The following FYTTD1 variants were observed in gnomAD, a reference collection of about 807,000 sequenced individuals.
FYTTD1 encodes UAP56-interacting factor.
FYTTD1 carries 22 observed loss-of-function variants against 40.9 expected under a neutral mutation model. The observed-to-expected ratio is 0.54, with a 90% CI of 0.38 to 0.77. The LOEUF (loss-of-function observed/expected upper bound fraction) is 0.77, where lower values mean the gene tolerates loss of function less well. Ranked by LOEUF, FYTTD1 falls within the 30% of genes least tolerant of loss-of-function variation. The pLI, the probability that FYTTD1 is intolerant of heterozygous loss-of-function variation, is 0.00. For synonymous variants in FYTTD1, 140 were observed against 137.9 expected (o/e 1.01, Z -0.10); for missense variants, 351 against 392.2 (o/e 0.90, Z 0.89).
chr3:197,754,041 A>G (rs575410816), intron 1 of FYTTD1, among the ~76,000 whole-genome samples: 2 of 152,180 alleles, frequency 1.3e-5, no homozygotes, highest in South Asian at 2.1e-4. Context: ...CACCCGGCCT[A>G]TATGCTATAT....
At chr3:197,757,749 T>G (rs1408571040) in intron 2 of FYTTD1, among the ~76,000 whole-genome samples, 1 of 152,204 alleles carries the variant, frequency 6.6e-6, no homozygotes, top group Non-Finnish European at 1.5e-5. Context: ...CACTCCAGCA[T>G]GAGACTCTGT....
chr3:197,764,668 C>T (rs1169986977), intron 2 of FYTTD1, among the ~76,000 whole-genome samples: 2 of 148,246 alleles, frequency 1.3e-5, no homozygotes, highest in Non-Finnish European at 1.5e-5. Flanking sequence ...GAGATCGCGC[C>T]GCTACACTCC....
intron 1 of FYTTD1, chr3:197,750,396 C>T (rs1240448200): frequency 7.5e-6 from 8 of 1,066,806 alleles, no homozygotes; most frequent in East Asian, 1.3e-4. Flanking sequence ...GGCTACGGCT[C>T]GCCGCTCGCC....
intron 7 of FYTTD1, among the ~76,000 whole-genome samples, chr3:197,777,369 G>T (rs947520225): frequency 2.0e-5 from 3 of 152,046 alleles, no homozygotes; most frequent in Non-Finnish European, 1.5e-5. Context: ...CGATCCTCCT[G>T]CCTCAGCCTC....
chr3:197,761,597 A>G (rs1289979435), intron 2 of FYTTD1, among the ~76,000 whole-genome samples: 1 of 152,180 alleles, frequency 6.6e-6, no homozygotes, highest in Non-Finnish European at 1.5e-5. Context: ...ATTGTTCTTC[A>G]GTGTTAGAAT....
chr3:197,771,541 C>A (rs1383135595), intron 4 of FYTTD1, among the ~76,000 whole-genome samples: 1 of 151,986 alleles, frequency 6.6e-6, no homozygotes, highest in East Asian at 1.9e-4. Flanking sequence ...CTTTGGGAGG[C>A]CGAGGCGGGC....
intron 6 of FYTTD1, among the ~76,000 whole-genome samples, chr3:197,774,799 A>G (rs964396238): frequency 7.3e-5 from 11 of 151,382 alleles, no homozygotes; most frequent in Non-Finnish European, 1.6e-4. Context: ...CCTGAGCAGC[A>G]TAGCTCGATC....
intron 1 of FYTTD1, among the ~76,000 whole-genome samples, chr3:197,751,865 A>AATT (rs1729068264): frequency 2.0e-5 from 3 of 151,958 alleles, no homozygotes; most frequent in Non-Finnish European, 2.9e-5. Context: ...GCATTAAATT[A>AATT]AATTAATTAA....
rs780778170 is a variant in FYTTD1, at chr3:197,778,444, A to G, written c.838A>G (p.Ile280Val). Residue 280 changes from isoleucine to valine, a missense_variant, in exon 8 of 9, where the codon ATA becomes GTA. Ile to Val is a conservative substitution (Grantham distance 29, BLOSUM62 3). Coordinates refer to ENST00000241502, the MANE Select transcript of FYTTD1 (RefSeq NM_032288.7). Reference sequence around the variant, plus strand: ...TAAAGGTGTTCCCCTGCAGTTTGACATAAACAGTGTCGGAAAACAGGTAAA... The same window carrying G: ...TAAAGGTGTTCCCCTGCAGTTTGACGTAAACAGTGTCGGAAAACAGGTAAA... Reference protein sequence around the residue: ...VPKGVPLQFDINSVGKQTGMT... With the variant: ...VPKGVPLQFDVNSVGKQTGMT... 2 of 1,607,466 alleles carry G rather than the reference A, an allele frequency of 1.2e-6. No individual in the cohort carries two copies. Among genetic ancestry groups the G allele is most frequent in the Middle Eastern group, 1.6e-4 (1 of 6,072 alleles).
At chr3:197,752,632 T>C (rs1182745386) in intron 1 of FYTTD1, among the ~76,000 whole-genome samples, 1 of 152,150 alleles carries the variant, frequency 6.6e-6, no homozygotes, top group Non-Finnish European at 1.5e-5. Flanking sequence ...GGCTTGGTTA[T>C]TTTTATACAT....
chr3:197,753,745 G>A (rs1055388631), intron 1 of FYTTD1, among the ~76,000 whole-genome samples: 3 of 151,922 alleles, frequency 2.0e-5, no homozygotes, highest in Admixed American at 1.3e-4. Flanking sequence ...TTTATATGCT[G>A]TATTTTATTT....
At chr3:197,772,815 C>A (rs1022359903) in intron 4 of FYTTD1, among the ~76,000 whole-genome samples, 1 of 152,032 alleles carries the variant, frequency 6.6e-6, no homozygotes, top group Non-Finnish European at 1.5e-5. Context: ...TACCATGTTA[C>A]CCAGGCTGGT....
At chr3:197,764,762 ACAG>A (rs1729492646) in intron 2 of FYTTD1, among the ~76,000 whole-genome samples, 1 of 151,468 alleles carries the variant, frequency 6.6e-6, no homozygotes, top group South Asian at 2.1e-4. Context: ...GAAAAAAAAA[ACAG>A]CAGAAAGATT....
rs1353486217 is a variant in FYTTD1 at position 197,787,484 on chromosome 3, G to C, written c.*5575G>C. 1 of 152,226 alleles carries C rather than the reference G, an allele frequency of 6.6e-6. No homozygotes were observed. Among genetic ancestry groups the C allele is most frequent in the Non-Finnish European group, 1.5e-5 (1 of 68,052 alleles). The allele number at this position is 152,226 out of a possible 1,614,324, so 9.4% of individuals were successfully genotyped here. On this transcript the variant is annotated 3_prime_UTR_variant, in exon 9 of 9. Coordinates refer to ENST00000241502, the MANE Select transcript of FYTTD1 (RefSeq NM_032288.7). ...GGAAGGGAGGACATAACCTTTGCAT[G>C]ATATAGTGAAATGCAGAGCTGGAAA...
chr3:197,786,833 C>T lies in FYTTD1; in HGVS notation c.*4924C>T, dbSNP rs141917825. On this transcript the variant is annotated 3_prime_UTR_variant, in exon 9 of 9. Transcript: ENST00000241502. ...GAGACGGAATACTCTGTCACCCAGG[C>T]TGCAGTGCAGTGGCACAATCTCGGC... 2 of 152,284 alleles carry T rather than the reference C, an allele frequency of 1.3e-5. No homozygotes were observed. Among genetic ancestry groups the T allele is most frequent in the African/African-American group, 4.8e-5 (2 of 41,556 alleles). The allele number at this position is 152,284 out of a possible 1,614,324, so 9.4% of individuals were successfully genotyped here.
At chr3:197,768,610 G>A in intron 3 of FYTTD1, 23 bp downstream of exon 3, 3 of 1,587,414 alleles carry the variant, frequency 1.9e-6, no homozygotes, top group Non-Finnish European at 2.6e-6. Flanking sequence ...CTTAATCCTG[G>A]ATTAGATATC....
intron 7 of FYTTD1, 148 bp from the exon 8 acceptor site, chr3:197,778,190 G>T (rs1377126526): frequency 1.9e-6 from 1 of 522,162 alleles, no homozygotes; most frequent in Non-Finnish European, 3.4e-6. Context: ...TTTTAGTCTA[G>T]AGTAGCCAGT....
At chr3:197,750,311 T>C in intron 1 of FYTTD1, 1 of 1,106,288 alleles carries the variant, frequency 9.0e-7, no homozygotes, top group Non-Finnish European at 1.1e-6. Flanking sequence ...GAGGAGGGGC[T>C]GTGGAGGCGG....
intron 8 of FYTTD1, among the ~76,000 whole-genome samples, chr3:197,778,828 GA>G (rs1729946465): frequency 6.6e-6 from 1 of 152,160 alleles, no homozygotes; most frequent in Admixed American, 6.5e-5. Flanking sequence ...CGGATATTAG[GA>G]ATAATACTGC....
Sources: allele counts gnomAD v4.1 joint callset (sites outside exome capture counted in the v4.1 genomes callset), GRCh38; gene constraint gnomAD v4.1.1; transcripts MANE v1.5; gene names NCBI Gene and HGNC (gene_info 2026-07-23, HGNC 2026-07-21).